EXOC6: variants seen among roughly 807,000 people sequenced by gnomAD.
The protein encoded by EXOC6 is exocyst complex component 6.
Under a neutral mutation model 112.5 loss-of-function variants are expected in EXOC6, and 60 were observed. That is an observed-to-expected ratio of 0.53 (90% CI 0.43 to 0.66). The LOEUF is 0.66. Among genes scored for constraint, EXOC6 ranks in the 30% least tolerant of loss-of-function variants. EXOC6 has a pLI of 0.00. For synonymous variants in EXOC6, 295 were observed against 308.0 expected, an observed-to-expected ratio of 0.96 and a Z score of 0.44; for missense variants, 855 against 957.1, an observed-to-expected ratio of 0.89 and a Z score of 1.41.
At position 92,975,603 on chromosome 10, in the gene EXOC6, C is replaced by T. The variant is rs551491499; in HGVS notation, c.1953+1371C>T. 1.0e-3 allele frequency among the ~76,000 whole-genome samples: 150 copies of T among 146,008 alleles called. 1 individual carries two copies. Among genetic ancestry groups the T allele is most frequent in the African/African-American group, 3.7e-3 (147 of 39,284 alleles). The stretch of plus-strand genomic sequence containing the variant: ...CCCCTGCCCGGCCAGCCGCCCCGTC[C>T]GGGAGGGAGGTTGGGGGGTCAGCCC... On this transcript the variant is annotated intron_variant, in intron 18 of 21. Transcript: ENST00000260762.
chr10:92,850,690 C>G (rs1380146828), intron 1 of EXOC6, among the ~76,000 whole-genome samples: 1 of 152,140 alleles, frequency 6.6e-6, no homozygotes, highest in Non-Finnish European at 1.5e-5. Flanking sequence ...CTTATCTACT[C>G]CCTATCATCT....
intron 1 of EXOC6, among the ~76,000 whole-genome samples, chr10:92,841,998 G>A (rs1846869516): frequency 1.3e-5 from 2 of 152,080 alleles, no homozygotes; most frequent in Admixed American, 1.3e-4. Flanking sequence ...CATGCTCACA[G>A]GGAGCTTGTA....
intron 20 of EXOC6, among the ~76,000 whole-genome samples, chr10:93,028,324 C>T (rs529454795): frequency 6.6e-6 from 1 of 151,958 alleles, no homozygotes; most frequent in South Asian, 2.1e-4. Flanking sequence ...TTCCATTCCT[C>T]ATGGATGATT....
At chr10:92,857,230 G>A (rs763993415) in intron 1 of EXOC6, among the ~76,000 whole-genome samples, 4 of 150,362 alleles carry the variant, frequency 2.7e-5, no homozygotes, top group Non-Finnish European at 5.9e-5. Flanking sequence ...ATATTTTCTG[G>A]TGTAATATTT....
intron 1 of EXOC6, among the ~76,000 whole-genome samples, chr10:92,882,386 A>G (rs1213185737): frequency 6.6e-6 from 1 of 152,054 alleles, no homozygotes; most frequent in African/African-American, 2.4e-5. Flanking sequence ...TCTACTAAAA[A>G]TACAAAAAAT....
chr10:92,852,178 A>G (rs541213625), intron 1 of EXOC6, among the ~76,000 whole-genome samples: 8 of 152,246 alleles, frequency 5.3e-5, no homozygotes, highest in Non-Finnish European at 1.2e-4. Flanking sequence ...TTCACTTAAG[A>G]AGAAATAGCT....
At chr10:92,934,035 A>G (rs1422282252) in intron 9 of EXOC6, 109 bp from the exon 10 acceptor site, 1 of 644,804 alleles carries the variant, frequency 1.6e-6, no homozygotes, top group Non-Finnish European at 2.6e-6. Flanking sequence ...TACGTGGCAT[A>G]TAGTAGACTC....
At chr10:92,898,007 TGAGACCTGTCTCA>T (rs1484701299) in intron 4 of EXOC6, among the ~76,000 whole-genome samples, 1 of 152,182 alleles carries the variant, frequency 6.6e-6, no homozygotes, top group Non-Finnish European at 1.5e-5. Flanking sequence ...CTACATTGAC[TGAGACCTGTCTCA>T]GATACTTGGA....
intron 20 of EXOC6, among the ~76,000 whole-genome samples, chr10:93,023,777 CTT>C (rs982138542): frequency 1.3e-5 from 2 of 151,958 alleles, no homozygotes; most frequent in African/African-American, 4.8e-5. Context: ...TATATGAAAA[CTT>C]AAAAAAATTT....
At chr10:93,036,734 A>G (rs1019739998) in intron 20 of EXOC6, among the ~76,000 whole-genome samples, 1 of 152,240 alleles carries the variant, frequency 6.6e-6, no homozygotes, top group Non-Finnish European at 1.5e-5. Flanking sequence ...TAACAGATTT[A>G]TGGAAAAAAT....
intron 18 of EXOC6, among the ~76,000 whole-genome samples, chr10:92,975,011 C>G (rs1842456245): frequency 6.6e-6 from 1 of 152,104 alleles, no homozygotes; most frequent in Non-Finnish European, 1.5e-5. Context: ...TGAGGAGCGT[C>G]TCTGCCTGGT....
At chr10:92,831,541 C>T (rs1846482088), upstream of EXOC6, among the ~76,000 whole-genome samples, 1 of 152,090 alleles carries the variant, frequency 6.6e-6, no homozygotes, top group South Asian at 2.1e-4. Flanking sequence ...TCAAGCAATT[C>T]TCCTGCCTCA....
At chr10:92,872,607 C>G (rs1002827154) in intron 1 of EXOC6, among the ~76,000 whole-genome samples, 1 of 151,816 alleles carries the variant, frequency 6.6e-6, no homozygotes, top group Non-Finnish European at 1.5e-5. Context: ...ACTTGTTTCT[C>G]TTTTTTGTTG....
At chr10:92,879,457 ACT>A (rs1197306681) in intron 1 of EXOC6, among the ~76,000 whole-genome samples, 4 of 151,936 alleles carry the variant, frequency 2.6e-5, no homozygotes, top group Non-Finnish European at 5.9e-5. Flanking sequence ...ACAGAGTGAG[ACT>A]CTGTCTCTAA....
intron 18 of EXOC6, among the ~76,000 whole-genome samples, chr10:92,996,704 A>G (rs184376649): frequency 6.8e-4 from 104 of 152,344 alleles, no homozygotes; most frequent in Non-Finnish European, 1.2e-3. Context: ...ATTTTTAAGA[A>G]AACAATTTAG....
At chr10:92,869,987 T>G (rs1848368114) in intron 1 of EXOC6, among the ~76,000 whole-genome samples, 1 of 142,194 alleles carries the variant, frequency 7.0e-6, no homozygotes, top group Non-Finnish European at 1.5e-5. Context: ...AGTCTCACTC[T>G]ATTGTCTAGG....
chr10:92,868,443 G>A (rs1848282540), intron 1 of EXOC6, among the ~76,000 whole-genome samples: 1 of 152,118 alleles, frequency 6.6e-6, no homozygotes, highest in South Asian at 2.1e-4. Context: ...GTGCTATGCA[G>A]CACTTTTAAT....
chr10:92,930,282 C>A (rs897078040), intron 9 of EXOC6, among the ~76,000 whole-genome samples: 4 of 152,274 alleles, frequency 2.6e-5, no homozygotes, highest in Non-Finnish European at 5.9e-5. Flanking sequence ...GCAGGCGGAT[C>A]ACCTAAGGTC....
At chr10:92,900,662 A>C (rs894560244) in intron 5 of EXOC6, 1 of 136,064 alleles carries the variant, frequency 7.3e-6, no homozygotes, top group African/African-American at 2.9e-5. Flanking sequence ...GTTTGCTGCC[A>C]AAAAAAAAAA....
Sources: allele counts gnomAD v4.1 joint callset (sites outside exome capture counted in the v4.1 genomes callset), GRCh38; gene constraint gnomAD v4.1.1; transcripts MANE v1.5; gene names NCBI Gene and HGNC (gene_info 2026-07-23, HGNC 2026-07-21).